HSD17B14: variants seen among roughly 807,000 people sequenced by gnomAD.
The protein encoded by HSD17B14 is hydroxysteroid 17-beta dehydrogenase 14, also known as L-fucose dehydrogenase.
HSD17B14 carries 32 observed loss-of-function variants against 32.2 expected under a neutral mutation model. The observed-to-expected ratio is 0.99, with a 90% CI of 0.75 to 1.33. The LOEUF (loss-of-function observed/expected upper bound fraction) is 1.33. HSD17B14 is among the 40% of genes most tolerant of loss of function. The pLI is 0.00. For synonymous variants in HSD17B14, 140 were observed against 155.4 expected, an observed-to-expected ratio of 0.90 and a Z score of 0.74; for missense variants, 370 against 366.5, an observed-to-expected ratio of 1.01 and a Z score of -0.08.
At chr19:48,818,235 C>T (rs1464909317) in intron 5 of HSD17B14, among the ~76,000 whole-genome samples, 9 of 149,576 alleles carry the variant, frequency 6.0e-5, no homozygotes, top group African/African-American at 2.2e-4. Context: ...CTCTTGATCC[C>T]GGGAGGCAGA....
chr19:48,830,339 C>T (rs2035316265), intron 5 of HSD17B14, among the ~76,000 whole-genome samples: 1 of 152,114 alleles, frequency 6.6e-6, no homozygotes, highest in Admixed American at 6.6e-5. Flanking sequence ...TAGCGCCCAA[C>T]GTCCAGCGTC....
chr19:48,832,737 G>A lies in HSD17B14; in HGVS notation c.211-5C>T. 6.2e-7 allele frequency: 1 copy of A among 1,610,458 alleles called. No homozygotes were observed. The highest frequency in any genetic ancestry group is 8.5e-7 in the Non-Finnish European group (1 of 1,178,726). On this transcript the variant is annotated splice_polypyrimidine_tract_variant and splice_region_variant and intron_variant, in intron 3 of 8. Coordinates refer to ENST00000263278, the MANE Select transcript of HSD17B14 (RefSeq NM_016246.3). ...GATGGTCTCAGAAACCAGGGTCTGA[G>A]GAGAAAGGAAATGTCCTTTGTTTTT...
intron 5 of HSD17B14, among the ~76,000 whole-genome samples, chr19:48,820,209 C>T (rs2035122858): frequency 6.6e-6 from 1 of 152,088 alleles, no homozygotes; most frequent in Admixed American, 6.6e-5. Context: ...TGCAGTGGCT[C>T]CCGCCTGTAA....
intron 3 of HSD17B14, among the ~76,000 whole-genome samples, chr19:48,833,039 C>T (rs895617546): frequency 1.1e-4 from 16 of 151,582 alleles, no homozygotes; most frequent in Admixed American, 2.0e-4. Context: ...ACAGGTACCA[C>T]GCCCAGCCCA....
intron 5 of HSD17B14, among the ~76,000 whole-genome samples, chr19:48,824,569 G>A (rs1228004155): frequency 2.6e-5 from 4 of 151,620 alleles, no homozygotes; most frequent in Non-Finnish European, 5.9e-5. Context: ...AGGAGATTGA[G>A]ATCATCCTGG....
chr19:48,821,117 A>G (rs10410310), intron 5 of HSD17B14, among the ~76,000 whole-genome samples: 4,638 of 149,844 alleles, frequency 0.031, 227 homozygotes, highest in African/African-American at 0.1. Flanking sequence ...GGTTCACTCT[A>G]TTCTCCCATC....
At chr19:48,813,993 G>A (rs960739554) in intron 6 of HSD17B14, among the ~76,000 whole-genome samples, 3 of 151,650 alleles carry the variant, frequency 2.0e-5, no homozygotes, top group Non-Finnish European at 4.4e-5. Flanking sequence ...CCAGGAGTTC[G>A]AGACCAGCCT....
intron 2 of HSD17B14, 107 bp downstream of exon 2, chr19:48,835,698 G>A: frequency 9.0e-7 from 1 of 1,114,040 alleles, no homozygotes; most frequent in Non-Finnish European, 1.4e-6. Flanking sequence ...AGGAAGTAGG[G>A]CCTGGGGGCC....
intron 5 of HSD17B14, among the ~76,000 whole-genome samples, chr19:48,816,779 T>TTTTCTTTCTTTCTCTCTTTCTTTC (rs2035058224): frequency 8.2e-6 from 1 of 122,180 alleles, no homozygotes; most frequent in South Asian, 2.7e-4. Flanking sequence ...GCAAGACCCT[T>TTTTCTTTCTTTCTCTCTTTCTTTC]TTTCTTTCTT....
Position 48,813,133 on chromosome 19 carries a change from G to A in HSD17B14, c.*42C>T, listed in dbSNP as rs888570763. On this transcript the variant is annotated 3_prime_UTR_variant, in exon 9 of 9. Transcript: ENST00000263278. ...CTGATACAGGTTGGAGTTTGGGGTG[G>A]GAGAGTCCTAGGAAGGGGGCCCCAA... 9 of 1,427,812 alleles carry A rather than the reference G, an allele frequency of 6.3e-6. No individual in the cohort carries two copies. Among genetic ancestry groups the A allele is most frequent in the South Asian group, 5.2e-5 (4 of 77,042 alleles). The allele number at this position is 1,427,812 out of a possible 1,614,324, so 88.4% of individuals were successfully genotyped here.
In HSD17B14 at chr19:48,815,018, G is replaced by C; in HGVS notation, c.474+19C>G. On this transcript the variant is annotated intron_variant, in intron 6 of 8. Coordinates refer to ENST00000263278, the MANE Select transcript of HSD17B14 (RefSeq NM_016246.3). ...TGGGAAGGAGTAGGGAGGGAAGGAA[G>C]GGGTAGGGGCTGCCATACCTTGGTG... 1 of 1,578,756 alleles carries C rather than the reference G, an allele frequency of 6.3e-7. No individual in the cohort carries two copies. The highest frequency in any genetic ancestry group is 1.1e-5 in the South Asian group (1 of 90,348).
chr19:48,814,839 TAA>T (rs375605467), intron 6 of HSD17B14, among the ~76,000 whole-genome samples, 196 bp downstream of exon 6: 1 of 99,324 alleles, frequency 1.0e-5, no homozygotes. Context: ...ACTCCATCTT[TAA>T]AAAAAAAAAA....
rs2035337007 is a variant in HSD17B14 at position 48,831,656 on chromosome 19, G to A, written c.369+12C>T. Reference sequence around the variant, plus strand: ...GCTGCTCGGGCCTGGCGGCAGGGTCGCCAGCCCTCACCTTGGTCAAGGTGT... The same window carrying A: ...GCTGCTCGGGCCTGGCGGCAGGGTCACCAGCCCTCACCTTGGTCAAGGTGT... On this transcript the variant is annotated intron_variant, in intron 5 of 8. Transcript: ENST00000263278. 5 of 1,607,474 alleles carry A rather than the reference G, an allele frequency of 3.1e-6. No homozygotes were observed. The highest frequency in any genetic ancestry group is 4.5e-5 in the East Asian group (2 of 44,850).
Position 48,836,425 on chromosome 19 carries a change from GTCTCTC to G in HSD17B14, c.-20_-15del, listed in dbSNP as rs146134551. On this transcript the variant is annotated 5_prime_UTR_variant, in exon 1 of 9. Coordinates refer to ENST00000263278, the MANE Select transcript of HSD17B14 (RefSeq NM_016246.3). ...TCCCGTAGCCATCCCGTGTACGTCGGTCTCTCTCTCTCTCTACTCTGGGCCTCTTTC... is the reference window on the plus strand; with the variant it reads ...TCCCGTAGCCATCCCGTGTACGTCGGTCTCTCTCTACTCTGGGCCTCTTTC... 6 of 1,593,148 alleles carry G rather than the reference GTCTCTC, an allele frequency of 3.8e-6. No individual in the cohort carries two copies. The African/African-American group carries it at 6.7e-5, about 18-fold the overall frequency.
chr19:48,814,971 C>T lies in HSD17B14; in HGVS notation c.474+66G>A. 4 of 1,277,866 alleles carry T rather than the reference C, an allele frequency of 3.1e-6. No individual in the cohort carries two copies. The South Asian group carries it at 4.8e-5, about 15-fold the overall frequency. 79.2% of individuals were successfully genotyped at this position (1,277,866 alleles called of 1,614,324 possible). A position where few individuals can be genotyped will look rare whatever the true frequency, so the allele number is the denominator to read the frequency against. On this transcript the variant is annotated intron_variant, in intron 6 of 8. Transcript: ENST00000263278. Reference sequence around the variant, plus strand: ...TTGCTAGGTCTGGCTCCTAAGTTGTCTGGACTCAAAGCCAAGGCCCATGGG... The same window carrying T: ...TTGCTAGGTCTGGCTCCTAAGTTGTTTGGACTCAAAGCCAAGGCCCATGGG...
chr19:48,826,542 T>TATATACACACAC, intron 5 of HSD17B14, among the ~76,000 whole-genome samples: 16 of 80,120 alleles, frequency 2.0e-4, no homozygotes, highest in African/African-American at 8.4e-4. Context: ...TATATATATA[T>TATATACACACAC]ACACACACAC....
chr19:48,834,710 G>GCC (rs1335596544), intron 2 of HSD17B14, among the ~76,000 whole-genome samples: 3 of 96,826 alleles, frequency 3.1e-5, no homozygotes, highest in African/African-American at 1.8e-4. Context: ...AGGAAGGGCT[G>GCC]GGAGCCTGGA....
Position 48,834,165 on chromosome 19 carries a change from G to C in HSD17B14, c.210+111C>G, listed in dbSNP as rs1046589069. 65 of 837,212 alleles carry C rather than the reference G, an allele frequency of 7.8e-5. No individual in the cohort carries two copies. In the African/African-American group the frequency reaches 7.9e-4, roughly 10 times the overall value. The allele number at this position is 837,212 out of a possible 1,614,324, so 51.9% of individuals were successfully genotyped here. A position where few individuals can be genotyped will look rare whatever the true frequency, so the allele number is the denominator to read the frequency against. ...GGTGGAAACCTTTGACGAGTCCAGC[G>C]GAGCCAGGAGAGGAAGGAAAAGTAG... On this transcript the variant is annotated intron_variant, in intron 3 of 8. Transcript: ENST00000263278.
intron 6 of HSD17B14, 65 bp downstream of exon 6, chr19:48,814,972 T>C (rs1272564572): frequency 1.5e-6 from 2 of 1,292,012 alleles, no homozygotes; most frequent in East Asian, 2.3e-5. Context: ...CTAAGTTGTC[T>C]GGACTCAAAG....
Sources: gnomAD v4.1 joint callset for allele counts (sites outside exome capture counted in the v4.1 genomes callset) on GRCh38, gnomAD v4.1.1 for gene constraint, MANE v1.5 for transcripts, NCBI Gene and HGNC (gene_info 2026-07-23, HGNC 2026-07-21) for gene names.